Variants in CAP2 observed in about 807,000 individuals in gnomAD.
The protein encoded by CAP2 is adenylyl cyclase-associated protein 2.
In CAP2, 24 loss-of-function variants were observed where a neutral mutation model predicts 57.7. That is an observed-to-expected ratio of 0.42 (90% CI 0.30 to 0.58). CAP2 has a LOEUF of 0.58. Ranked by LOEUF, CAP2 falls within the 20% of genes least tolerant of loss-of-function variation. The probability of loss-of-function intolerance (pLI) is 0.22; values close to 1 mark genes in which losing one functional copy is unlikely to be tolerated. For missense variants in CAP2, 501 were observed against 590.3 expected (o/e 0.85, Z 1.57); for synonymous variants, 194 against 207.2 (o/e 0.94, Z 0.55).
chr6:17,464,015 C>T (rs190653191), intron 4 of CAP2, among the ~76,000 whole-genome samples: 67 of 152,188 alleles, frequency 4.4e-4, no homozygotes, highest in Admixed American at 1.8e-3. Context: ...GGCGGAGGTC[C>T]GTCTCATTCC....
chr6:17,500,384 T>TATATATATATATATATATATATATATATA (rs869066480), intron 4 of CAP2, among the ~76,000 whole-genome samples: 1 of 124,846 alleles, frequency 8.0e-6, no homozygotes, highest in Non-Finnish European at 1.7e-5. Flanking sequence ...TATATATATA[T>TATATATATATATATATATATATATATATA]TTGGAGACGG....
chr6:17,418,346 C>T (rs1008384766), intron 1 of CAP2, among the ~76,000 whole-genome samples: 3 of 152,116 alleles, frequency 2.0e-5, no homozygotes, highest in East Asian at 3.9e-4. Context: ...GTATTTTGAC[C>T]GCCTTAGGGG....
intron 1 of CAP2, among the ~76,000 whole-genome samples, chr6:17,394,908 A>G (rs189182602): frequency 6.6e-6 from 1 of 152,222 alleles, no homozygotes; most frequent in African/African-American, 2.4e-5. Flanking sequence ...TAGACAATAA[A>G]AGTGTGTGAA....
intron 4 of CAP2, among the ~76,000 whole-genome samples, chr6:17,503,188 G>T (rs1761874093): frequency 6.6e-6 from 1 of 152,170 alleles, no homozygotes; most frequent in African/African-American, 2.4e-5. Flanking sequence ...CAGACAGGTA[G>T]ATTAGAAACA....
At chr6:17,424,675 A>G (rs1266979392) in intron 2 of CAP2, among the ~76,000 whole-genome samples, 1 of 152,214 alleles carries the variant, frequency 6.6e-6, no homozygotes, top group African/African-American at 2.4e-5. Context: ...ATGCATTACT[A>G]TTCATGGCCC....
intron 7 of CAP2, among the ~76,000 whole-genome samples, chr6:17,528,093 A>G (rs1461536089): frequency 6.6e-6 from 1 of 152,206 alleles, no homozygotes; most frequent in East Asian, 1.9e-4. Flanking sequence ...TATTTAATAA[A>G]TTACCTGAGA....
chr6:17,405,951 G>A (rs1312747915), intron 1 of CAP2, among the ~76,000 whole-genome samples: 1 of 151,974 alleles, frequency 6.6e-6, no homozygotes, highest in Admixed American at 6.6e-5. Context: ...ATGTTGCCCA[G>A]GCTGGTCGTG....
intron 7 of CAP2, among the ~76,000 whole-genome samples, chr6:17,528,721 C>T (rs1448014956): frequency 6.6e-6 from 1 of 152,150 alleles, no homozygotes; most frequent in Non-Finnish European, 1.5e-5. Context: ...TTTATTTTGA[C>T]TGTATTTAAG....
At chr6:17,487,051 C>G (rs1761436686) in intron 4 of CAP2, among the ~76,000 whole-genome samples, 1 of 152,242 alleles carries the variant, frequency 6.6e-6, no homozygotes, top group African/African-American at 2.4e-5. Context: ...GTGTCCCCCA[C>G]TGCCATCACT....
At chr6:17,544,675 C>T (rs1762999371) in intron 11 of CAP2, among the ~76,000 whole-genome samples, 1 of 152,108 alleles carries the variant, frequency 6.6e-6, no homozygotes, top group Non-Finnish European at 1.5e-5. Context: ...GCCTCAGCCC[C>T]CTGAGTAGCT....
chr6:17,458,616 A>G (rs1760638938), intron 3 of CAP2, among the ~76,000 whole-genome samples: 1 of 152,152 alleles, frequency 6.6e-6, no homozygotes, highest in African/African-American at 2.4e-5. Context: ...CCTTACAGAA[A>G]ATTATCTGAT....
chr6:17,545,816 G>A (rs1763031211), intron 11 of CAP2, among the ~76,000 whole-genome samples: 1 of 152,110 alleles, frequency 6.6e-6, no homozygotes, highest in African/African-American at 2.4e-5. Flanking sequence ...CCTTGCGATA[G>A]TTTGCTGAGA....
Position 17,408,289 on chromosome 6 carries a change from G to GGAGGA in CAP2, c.-1-13256_-1-13252dup, listed in dbSNP as rs112948780. The stretch of plus-strand genomic sequence containing the variant: ...AGATTACACGGCGAGAGAAGAAGCA[G>GGAGGA]GAGGAGAGGAGAGGTGCCAGGCTCA... On this transcript the variant is annotated intron_variant, in intron 1 of 12. Coordinates refer to ENST00000229922, the MANE Select transcript of CAP2 (RefSeq NM_006366.3). Among the ~76,000 whole-genome samples, 1,096 of 152,294 alleles carry GGAGGA rather than the reference G, an allele frequency of 7.2e-3. 19 individuals carry two copies. Among genetic ancestry groups the GGAGGA allele is most frequent in the African/African-American group, 0.024 (977 of 41,544 alleles).
At chr6:17,437,256 G>A (rs944086910) in intron 3 of CAP2, among the ~76,000 whole-genome samples, 3 of 151,988 alleles carry the variant, frequency 2.0e-5, no homozygotes, top group African/African-American at 7.3e-5. Context: ...AAAGGTTGGG[G>A]ACCACTGGTC....
At chr6:17,535,471 C>T (rs769406895) in intron 7 of CAP2, among the ~76,000 whole-genome samples, 2 of 151,936 alleles carry the variant, frequency 1.3e-5, no homozygotes, top group Admixed American at 6.6e-5. Context: ...GACGGGGTTT[C>T]GCCATGTTGG....
At chr6:17,475,449 T>C (rs952129398) in intron 4 of CAP2, among the ~76,000 whole-genome samples, 1 of 152,126 alleles carries the variant, frequency 6.6e-6, no homozygotes, top group African/African-American at 2.4e-5. Flanking sequence ...ACAAGCGAGA[T>C]AGTGTTGGTG....
At chr6:17,464,494 C>A (rs1760812399) in intron 4 of CAP2, among the ~76,000 whole-genome samples, 1 of 152,158 alleles carries the variant, frequency 6.6e-6, no homozygotes, top group South Asian at 2.1e-4. Context: ...CATTCCCAGC[C>A]ATGCTTGTGC....
At chr6:17,520,228 C>T (rs1401480180) in intron 7 of CAP2, among the ~76,000 whole-genome samples, 1 of 152,158 alleles carries the variant, frequency 6.6e-6, no homozygotes, top group African/African-American at 2.4e-5. Flanking sequence ...CTGCCTCAGC[C>T]TCCTAAGTAG....
At chr6:17,444,803 T>TCC (rs1760205721) in intron 3 of CAP2, among the ~76,000 whole-genome samples, 1 of 76,524 alleles carries the variant, frequency 1.3e-5, no homozygotes, top group African/African-American at 4.5e-5. Flanking sequence ...TTTCTCTCTC[T>TCC]CCACACACAC....
Sources: allele counts gnomAD v4.1 joint callset (sites outside exome capture counted in the v4.1 genomes callset), GRCh38; gene constraint gnomAD v4.1.1; transcripts MANE v1.5; gene names NCBI Gene and HGNC (gene_info 2026-07-23, HGNC 2026-07-21).